SND1: variants seen among roughly 807,000 people sequenced by gnomAD.
SND1 encodes the protein staphylococcal nuclease domain-containing protein 1.
Under a neutral mutation model 121.7 loss-of-function variants are expected in SND1, and 38 were observed. That is an observed-to-expected ratio of 0.31 (90% CI 0.24 to 0.41). SND1 has a LOEUF of 0.41. SND1 is among the 10% of genes least tolerant of loss of function. SND1 has a pLI of 1.00. For synonymous variants in SND1, 401 were observed against 447.4 expected (o/e 0.90, Z 1.31); for missense variants, 868 against 1,184.6 (o/e 0.73, Z 3.92).
At chr7:128,013,406 A>T (rs1476146521) in intron 16 of SND1, among the ~76,000 whole-genome samples, 2 of 152,224 alleles carry the variant, frequency 1.3e-5, no homozygotes, top group Non-Finnish European at 2.9e-5. Context: ...AAGCAAACTA[A>T]TGAATATGTG....
chr7:127,824,436 G>A (rs1276876213), intron 11 of SND1, among the ~76,000 whole-genome samples: 3 of 152,180 alleles, frequency 2.0e-5, no homozygotes, highest in Admixed American at 2.0e-4. Flanking sequence ...CATAACAAGT[G>A]TTCAAGGCCA....
chr7:128,082,315 G>A (rs1793619055), intron 18 of SND1, among the ~76,000 whole-genome samples: 2 of 152,238 alleles, frequency 1.3e-5, no homozygotes, highest in South Asian at 2.1e-4. Context: ...GTAGGCACAG[G>A]TGGACAGAGG....
intron 15 of SND1, among the ~76,000 whole-genome samples, chr7:127,976,933 G>T (rs188107675): frequency 3.9e-4 from 59 of 152,258 alleles, no homozygotes; most frequent in African/African-American, 1.3e-3. Flanking sequence ...GGTGTCTTGA[G>T]GGCTTCCCAT....
At chr7:127,842,074 C>T (rs931350872) in intron 11 of SND1, among the ~76,000 whole-genome samples, 12 of 152,262 alleles carry the variant, frequency 7.9e-5, no homozygotes, top group Non-Finnish European at 1.6e-4. Flanking sequence ...TATCCTTTTC[C>T]AGATTTCCAT....
At chr7:127,876,229 G>A (rs748814208) in intron 12 of SND1, among the ~76,000 whole-genome samples, 2 of 152,084 alleles carry the variant, frequency 1.3e-5, no homozygotes, top group Non-Finnish European at 2.9e-5. Flanking sequence ...TTCTGTGGTG[G>A]TTGTGGTGTG....
At chr7:127,948,204 G>A (rs1196089687) in intron 15 of SND1, among the ~76,000 whole-genome samples, 1 of 152,158 alleles carries the variant, frequency 6.6e-6, no homozygotes, top group Non-Finnish European at 1.5e-5. Context: ...AGCTCACACA[G>A]GTATCTGCCC....
At chr7:128,077,628 A>G (rs1457673216) in intron 17 of SND1, among the ~76,000 whole-genome samples, 11 of 152,192 alleles carry the variant, frequency 7.2e-5, no homozygotes. Flanking sequence ...CTGGAGAGAC[A>G]CTTCCCCCAC....
chr7:128,084,694 A>T, intron 18 of SND1, 30 bp from the exon 19 acceptor site: 1 of 1,588,876 alleles, frequency 6.3e-7, no homozygotes. Flanking sequence ...CCCAGCACCC[A>T]GGTCTCACTG....
At chr7:128,008,096 A>G (rs1248630579) in intron 16 of SND1, 1 of 152,250 alleles carries the variant, frequency 6.6e-6, no homozygotes, top group African/African-American at 2.4e-5. Context: ...AGAATATGAC[A>G]GTGGCATATA....
chr7:127,678,259 T>A (rs1303868859), intron 1 of SND1, among the ~76,000 whole-genome samples: 1 of 152,230 alleles, frequency 6.6e-6, no homozygotes, highest in Non-Finnish European at 1.5e-5. Flanking sequence ...TTTACCTCTC[T>A]TGCTCTCAGA....
chr7:127,718,659 T>C, intron 9 of SND1: 2 of 985,356 alleles, frequency 2.0e-6, no homozygotes, highest in Non-Finnish European at 2.4e-6. Flanking sequence ...TAAGAATTCA[T>C]TGCTGCCGTT....
chr7:127,817,288 A>C (rs1423769938), intron 11 of SND1, among the ~76,000 whole-genome samples: 1 of 152,152 alleles, frequency 6.6e-6, no homozygotes, highest in African/African-American at 2.4e-5. Context: ...TCTTTCACAG[A>C]TAGGAGAGGT....
chr7:127,787,487 A>G (rs766816246), intron 10 of SND1, among the ~76,000 whole-genome samples: 3 of 152,144 alleles, frequency 2.0e-5, no homozygotes, highest in Non-Finnish European at 4.4e-5. Context: ...GTTGCCTTCC[A>G]ATTTTTAAGG....
intron 10 of SND1, among the ~76,000 whole-genome samples, chr7:127,774,546 G>A (rs1026222137): frequency 6.6e-6 from 1 of 151,760 alleles, no homozygotes; most frequent in East Asian, 1.9e-4. Flanking sequence ...TGTAGTCACG[G>A]TAAGTGCACC....
At chr7:127,658,466 T>TA (rs1390762046) in intron 1 of SND1, among the ~76,000 whole-genome samples, 2 of 152,204 alleles carry the variant, frequency 1.3e-5, no homozygotes, top group Non-Finnish European at 2.9e-5. Flanking sequence ...AAACATGGAT[T>TA]AAAAAAGAAA....
At chr7:127,782,711 G>A (rs995883483) in intron 10 of SND1, among the ~76,000 whole-genome samples, 7 of 152,190 alleles carry the variant, frequency 4.6e-5, no homozygotes, top group African/African-American at 1.4e-4. Flanking sequence ...AAGCAGGGCT[G>A]TAGACCTCTG....
intron 16 of SND1, among the ~76,000 whole-genome samples, chr7:128,010,714 C>T (rs1754055093): frequency 6.6e-6 from 1 of 152,238 alleles, no homozygotes; most frequent in Non-Finnish European, 1.5e-5. Context: ...CAAGAGGTTC[C>T]TTGGCTTAGG....
At chr7:128,009,068 C>T (rs1019362053) in intron 16 of SND1, among the ~76,000 whole-genome samples, 12 of 152,154 alleles carry the variant, frequency 7.9e-5, no homozygotes, top group Admixed American at 6.5e-5. Context: ...AGCTTTGATA[C>T]AGGGCATAAT....
chr7:127,872,683 A>T (rs1463739718), intron 12 of SND1, among the ~76,000 whole-genome samples: 1 of 151,350 alleles, frequency 6.6e-6, no homozygotes, highest in African/African-American at 2.4e-5. Flanking sequence ...TCTGCCACGC[A>T]GTGAATCTTT....
Sources: gnomAD v4.1 joint callset for allele counts (sites outside exome capture counted in the v4.1 genomes callset) on GRCh38, gnomAD v4.1.1 for gene constraint, MANE v1.5 for transcripts, NCBI Gene and HGNC (gene_info 2026-07-23, HGNC 2026-07-21) for gene names.